The following S1PR3 variants were observed in gnomAD, a reference collection of about 807,000 sequenced individuals.
S1PR3 encodes the protein sphingosine 1-phosphate receptor 3.
In S1PR3, 12 loss-of-function variants were observed where a neutral mutation model predicts 13.3. The observed-to-expected ratio is 0.90, with a 90% CI of 0.58 to 1.46. The LOEUF is 1.46. Among genes scored for constraint, S1PR3 ranks in the 40% most tolerant of loss-of-function variants. The pLI is 0.00. For synonymous variants in S1PR3, 232 were observed against 214.0 expected (o/e 1.08, Z -0.73); for missense variants, 450 against 501.9 (o/e 0.90, Z 0.99).
chr9:88,991,034 C>A (rs1471854605), upstream of S1PR3: 1 of 1,613,524 alleles, frequency 6.2e-7, no homozygotes, highest in Non-Finnish European at 8.5e-7. The surrounding 1 kb of genome is among the most constrained non-coding windows in gnomAD (Gnocchi z 4.0). Context: ...TAGTATTAAT[C>A]CTCCTATTAA....
upstream of S1PR3, chr9:88,991,362 G>T (rs545010283): frequency 1.0e-3 from 1,235 of 1,200,400 alleles, 1 homozygote; most frequent in Non-Finnish European, 1.4e-3. This position sits in a 1 kb window ranked among gnomAD's most constrained non-coding sequence, Gnocchi z 4.0. Context: ...ACGGGGAGAG[G>T]GGGGCGGGGA....
chr9:89,001,023 A>G (rs772414224), intron 1 of S1PR3, 31 bp from the exon 2 acceptor site: 12 of 685,586 alleles, frequency 1.8e-5, no homozygotes, highest in South Asian at 3.9e-5. Context: ...CGTTTTATCA[A>G]TGGTCGCTCC....
intron 1 of S1PR3, chr9:88,995,591 A>G (rs1449562278): frequency 1.2e-5 from 2 of 167,078 alleles, no homozygotes; most frequent in Non-Finnish European, 2.9e-5. Context: ...TGGTATTAAA[A>G]TGCTTTGAGG....
chr9:89,002,529 C>A lies in S1PR3; in HGVS notation c.*192C>A. On this transcript the variant is annotated 3_prime_UTR_variant, in exon 2 of 2. Coordinates refer to ENST00000358157, the MANE Select transcript of S1PR3 (RefSeq NM_005226.4). Reference sequence around the variant, plus strand: ...CTTCAGTGTAAACAACGTGCCTTGTCCACTTTGGGCTCCAGAGTCTTTCAG... The same window carrying A: ...CTTCAGTGTAAACAACGTGCCTTGTACACTTTGGGCTCCAGAGTCTTTCAG... 1 of 668,298 alleles carries A rather than the reference C, an allele frequency of 1.5e-6. No homozygotes were observed. Among genetic ancestry groups the A allele is most frequent in the Non-Finnish European group, 2.6e-6 (1 of 387,712 alleles). The allele number at this position is 668,298 out of a possible 1,614,324, so 41.4% of individuals were successfully genotyped here.
rs1481077846 is a variant in S1PR3 at position 89,002,956 on chromosome 9, C to T, written c.*619C>T. 5.9e-6 allele frequency: 1 copy of T among 169,194 alleles called. No homozygotes were observed. The highest frequency in any genetic ancestry group is 1.9e-4 in the East Asian group (1 of 5,232). The allele number at this position is 169,194 out of a possible 1,614,324, so 10.5% of individuals were successfully genotyped here. ...AACCAAGTTTTAAAAGTTCAAATTC[C>T]CCAAAAAGGCTTGTCCAAGGCTGGC... On this transcript the variant is annotated 3_prime_UTR_variant, in exon 2 of 2. Coordinates refer to ENST00000358157, the MANE Select transcript of S1PR3 (RefSeq NM_005226.4).
In S1PR3 at chr9:89,001,445, C is replaced by T. The variant is rs1053495537; in HGVS notation, c.245C>T (p.Ala82Val). 2 of 1,614,094 alleles carry T rather than the reference C, an allele frequency of 1.2e-6. No homozygotes were observed. Among genetic ancestry groups the T allele is most frequent in the African/African-American group, 2.7e-5 (2 of 74,928 alleles). Residue 82 changes from alanine (A) to valine (V), a missense_variant, in exon 2 of 2, where the codon GCT becomes GTT. Physicochemically the swap from Ala to Val is moderately conservative, Grantham distance 64. Coordinates refer to ENST00000358157, the MANE Select transcript of S1PR3 (RefSeq NM_005226.4). ...NRMYFFIGNL[A>V]LCDLLAGIAY... ...ATGTACTTTTTCATTGGCAACCTGG[C>T]TCTCTGCGACCTGCTGGCCGGCATC...
At chr9:88,991,054 C>G (rs1825685039), upstream of S1PR3, 12 of 1,613,522 alleles carry the variant, frequency 7.4e-6, no homozygotes, top group Non-Finnish European at 1.0e-5. This position sits in a 1 kb window ranked among gnomAD's most constrained non-coding sequence, Gnocchi z 4.0. Context: ...AGAATCGGCC[C>G]AAACAAACCC....
At chr9:88,991,380 G>A (rs1825697482), upstream of S1PR3, 4 of 1,330,904 alleles carry the variant, frequency 3.0e-6, no homozygotes, top group Admixed American at 6.3e-5. The surrounding 1 kb of genome is among the most constrained non-coding windows in gnomAD (Gnocchi z 4.0). Context: ...GGAGAGGGGC[G>A]GGAGTCGGGG....
At position 88,991,774 on chromosome 9, in the gene S1PR3, C is replaced by T. The variant is rs778659911; in HGVS notation, c.-148+79C>T. The T allele has an allele frequency of 1.9e-6, 3 of 1,575,496 alleles. No homozygotes were observed. The South Asian group carries it at 3.4e-5, about 18-fold the overall frequency. Reference sequence around the variant, plus strand: ...AAGGACCCACCTTTCCAACAAAATCCCCACCGATCCCGGGCGCGACGGGGA... The same window carrying T: ...AAGGACCCACCTTTCCAACAAAATCTCCACCGATCCCGGGCGCGACGGGGA... On this transcript the variant is annotated intron_variant, in intron 1 of 1. Coordinates refer to ENST00000358157, the MANE Select transcript of S1PR3 (RefSeq NM_005226.4). The surrounding 1 kb of genome is among the most constrained non-coding windows in gnomAD (Gnocchi z 4.0).
rs1331484342 is a variant in S1PR3, at chr9:88,991,823, A to G, written c.-148+128A>G. The G allele has an allele frequency of 4.3e-6, 7 of 1,610,902 alleles. No individual in the cohort carries two copies. The highest frequency in any genetic ancestry group is 1.7e-5 in the Admixed American group (1 of 59,392). ...GACTTGGGCGCGCCACGGCGGCCGG[A>G]GCGCTCCACATCAGCACCCCTCCCC... On this transcript the variant is annotated intron_variant, in intron 1 of 1. Transcript: ENST00000358157. This position sits in a 1 kb window ranked among gnomAD's most constrained non-coding sequence, Gnocchi z 4.0.
At chr9:89,000,341 T>A (rs1825852164) in intron 1 of S1PR3, 2 of 144,104 alleles carry the variant, frequency 1.4e-5, no homozygotes, top group African/African-American at 5.6e-5. Context: ...TGCTTTCCTG[T>A]CCTTCCTTTA....
chr9:88,999,901 C>T (rs1471010704), intron 1 of S1PR3: 4 of 152,106 alleles, frequency 2.6e-5, no homozygotes, highest in Non-Finnish European at 5.9e-5. Flanking sequence ...ACTTGGGAGG[C>T]TGAGGCAGCA....
chr9:88,993,705 TA>T (rs1301286562), intron 1 of S1PR3: 4 of 152,266 alleles, frequency 2.6e-5, no homozygotes, highest in Non-Finnish European at 5.9e-5. Flanking sequence ...TAGTTTCAGT[TA>T]ATAACATGTT....
At chr9:88,991,429 C>T, upstream of S1PR3, 1 of 1,535,510 alleles carries the variant, frequency 6.5e-7, no homozygotes, top group African/African-American at 1.4e-5. This position sits in a 1 kb window ranked among gnomAD's most constrained non-coding sequence, Gnocchi z 4.0. Context: ...CCCGCCCCGG[C>T]GGGCCGCTGG....
chr9:89,001,094 G>T lies in S1PR3; in HGVS notation c.-107G>T. The T allele has an allele frequency of 2.3e-6, 3 of 1,307,106 alleles. No individual in the cohort carries two copies. The highest frequency in any genetic ancestry group is 2.3e-5 in the East Asian group (1 of 43,246). The allele number at this position is 1,307,106 out of a possible 1,614,324, so 81.0% of individuals were successfully genotyped here. On this transcript the variant is annotated 5_prime_UTR_variant, in exon 2 of 2. Transcript: ENST00000358157. Reference sequence around the variant, plus strand: ...GCCCTCGCTGGAGTCTGGCCTGCACGCCTTGCTGAATGAAGCCGGAACCTC... The same window carrying T: ...GCCCTCGCTGGAGTCTGGCCTGCACTCCTTGCTGAATGAAGCCGGAACCTC...
At position 88,991,766 on chromosome 9, in the gene S1PR3, A is replaced by G. The variant is rs753724102; in HGVS notation, c.-148+71A>G. On this transcript the variant is annotated intron_variant, in intron 1 of 1. Transcript: ENST00000358157. This position sits in a 1 kb window ranked among gnomAD's most constrained non-coding sequence, Gnocchi z 4.0. ...GGGGGCCGAAGGACCCACCTTTCCA[A>G]CAAAATCCCCACCGATCCCGGGCGC... 31 of 1,566,490 alleles carry G rather than the reference A, an allele frequency of 2.0e-5. No homozygotes were observed. The African/African-American group carries it at 3.8e-4, about 19-fold the overall frequency.
In S1PR3 at chr9:88,991,707, G is replaced by T; in HGVS notation, c.-148+12G>T. On this transcript the variant is annotated intron_variant, in intron 1 of 1. Transcript: ENST00000358157. The surrounding 1 kb of genome is among the most constrained non-coding windows in gnomAD (Gnocchi z 4.0). ...CTCAGCCGACGGAGGTGAGAGGCGGGCCCGGGCGGGGCGCGGAACCAGGGT... is the reference window on the plus strand; with the variant it reads ...CTCAGCCGACGGAGGTGAGAGGCGGTCCCGGGCGGGGCGCGGAACCAGGGT... 6.5e-7 allele frequency: 1 copy of T among 1,528,244 alleles called. No homozygotes were observed. 94.7% of individuals were successfully genotyped at this position (1,528,244 alleles called of 1,614,324 possible).
intron 1 of S1PR3, chr9:88,996,773 T>A (rs1419159128): frequency 6.6e-6 from 1 of 152,324 alleles, no homozygotes; most frequent in Non-Finnish European, 1.5e-5. Context: ...CCAGCACTCC[T>A]GCCGTGCCTG....
In S1PR3 at chr9:88,991,741, G is replaced by A; in HGVS notation, c.-148+46G>A. ...GGGCGCGGAACCAGGGTGGGGGGCT[G>A]GGGGCCGAAGGACCCACCTTTCCAA... On this transcript the variant is annotated intron_variant, in intron 1 of 1. Transcript: ENST00000358157. The surrounding 1 kb of genome is among the most constrained non-coding windows in gnomAD (Gnocchi z 4.0). 6.5e-7 allele frequency: 1 copy of A among 1,546,076 alleles called. No homozygotes were observed. Among genetic ancestry groups the A allele is most frequent in the Non-Finnish European group, 8.7e-7 (1 of 1,144,026 alleles).
Sources: allele counts gnomAD v4.1 joint callset, GRCh38; gene constraint gnomAD v4.1.1; non-coding constraint Gnocchi (gnomAD v3.1); transcripts MANE v1.5; gene names NCBI Gene and HGNC (gene_info 2026-07-23, HGNC 2026-07-21).